Variants in RUNX1 observed in about 807,000 individuals in gnomAD.
RUNX1 encodes runt-related transcription factor 1.
In RUNX1, 19 loss-of-function variants were observed where a neutral mutation model predicts 42.8. The observed-to-expected ratio is 0.44, with a 90% CI of 0.31 to 0.65. The LOEUF (loss-of-function observed/expected upper bound fraction) is 0.65. Ranked by LOEUF, RUNX1 falls within the 30% of genes least tolerant of loss-of-function variation. The probability of loss-of-function intolerance (pLI) is 0.07; values close to 1 mark genes in which losing one functional copy is unlikely to be tolerated. For synonymous variants in RUNX1, 271 were observed against 289.4 expected (o/e 0.94, Z 0.64); for missense variants, 528 against 672.0 (o/e 0.79, Z 2.37).
At chr21:34,934,052 A>G (rs2058467352) in intron 2 of RUNX1, among the ~76,000 whole-genome samples, 1 of 152,150 alleles carries the variant, frequency 6.6e-6, no homozygotes, top group Admixed American at 6.5e-5. Flanking sequence ...GATAGGGAGA[A>G]TCCAGCAGAT....
chr21:34,851,064 G>T (rs2057411205), intron 6 of RUNX1, among the ~76,000 whole-genome samples: 1 of 152,168 alleles, frequency 6.6e-6, no homozygotes, highest in Non-Finnish European at 1.5e-5. Flanking sequence ...GCTCCCCCAG[G>T]AATCGGCTCT....
chr21:34,796,005 G>A (rs1210514541), intron 8 of RUNX1, among the ~76,000 whole-genome samples: 3 of 152,202 alleles, frequency 2.0e-5, no homozygotes, highest in African/African-American at 7.2e-5. Flanking sequence ...AGGTCACCCT[G>A]TTTTACAGCA....
chr21:34,892,924 C>T lies in RUNX1; in HGVS notation c.97+1G>A, dbSNP rs375131372. On this transcript the variant is annotated splice_donor_variant, in intron 3 of 8. Coordinates refer to ENST00000675419, the MANE Select transcript of RUNX1 (RefSeq NM_001754.5). LOFTEE classifies it high-confidence loss of function. ...AAAATATAACTTGGAATTTAACATA[C>T]CGTGGACGTCTCTAGAAGGATTCAT... 4.5e-6 allele frequency: 7 copies of T among 1,549,254 alleles called. No homozygotes were observed. Among genetic ancestry groups the T allele is most frequent in the Non-Finnish European group, 6.2e-6 (7 of 1,122,236 alleles).
intron 2 of RUNX1, among the ~76,000 whole-genome samples, chr21:34,995,033 G>T (rs2058982817): frequency 6.6e-6 from 1 of 152,222 alleles, no homozygotes; most frequent in Non-Finnish European, 1.5e-5. Flanking sequence ...GCCCCGCATG[G>T]ACACCCGTGG....
chr21:35,046,376 G>A (rs925434010), intron 2 of RUNX1, among the ~76,000 whole-genome samples: 3 of 152,226 alleles, frequency 2.0e-5, no homozygotes, highest in Non-Finnish European at 2.9e-5. Flanking sequence ...CCTTCTGTGA[G>A]AATTGCATGG....
chr21:34,886,177 G>A (rs1258624902), intron 4 of RUNX1, among the ~76,000 whole-genome samples: 2 of 152,226 alleles, frequency 1.3e-5, no homozygotes, highest in Admixed American at 1.3e-4. Context: ...TAGGTGAGCT[G>A]ATGATAGCAT....
At chr21:35,010,718 T>A (rs576381199) in intron 2 of RUNX1, among the ~76,000 whole-genome samples, 2 of 152,026 alleles carry the variant, frequency 1.3e-5, no homozygotes, top group South Asian at 4.1e-4. Context: ...AATGTGCAAC[T>A]CGCTGCCAGC....
At chr21:34,857,904 A>C (rs2057517684) in intron 6 of RUNX1, among the ~76,000 whole-genome samples, 1 of 152,168 alleles carries the variant, frequency 6.6e-6, no homozygotes, top group African/African-American at 2.4e-5. Context: ...TTTCACTCAT[A>C]AAGAAGAATC....
intron 5 of RUNX1, among the ~76,000 whole-genome samples, chr21:34,877,944 T>C (rs1239595952): frequency 6.6e-6 from 1 of 152,156 alleles, no homozygotes; most frequent in African/African-American, 2.4e-5. Flanking sequence ...CACTGAAAGT[T>C]TGGATGAGCC....
intron 2 of RUNX1, among the ~76,000 whole-genome samples, chr21:35,003,328 A>T (rs900539760): frequency 2.6e-5 from 4 of 152,206 alleles, no homozygotes; most frequent in Non-Finnish European, 5.9e-5. Flanking sequence ...GGGAGCAAGT[A>T]GACAGCTGGT....
At chr21:34,800,587 G>A (rs2056594288) in intron 7 of RUNX1, among the ~76,000 whole-genome samples, 1 of 152,152 alleles carries the variant, frequency 6.6e-6, no homozygotes, top group African/African-American at 2.4e-5. Context: ...AAAGAAATGA[G>A]CTATTTCTGC....
intron 2 of RUNX1, among the ~76,000 whole-genome samples, chr21:34,994,412 T>C (rs769428101): frequency 3.9e-5 from 6 of 152,116 alleles, no homozygotes; most frequent in African/African-American, 4.8e-5. Flanking sequence ...AAAAGTATAA[T>C]TGGATTGTTT....
chr21:34,986,881 CACAGGAAACTA>C (rs1221462806), intron 2 of RUNX1, among the ~76,000 whole-genome samples: 1 of 152,118 alleles, frequency 6.6e-6, no homozygotes, highest in Non-Finnish European at 1.5e-5. Context: ...TTATGGCAGC[CACAGGAAACTA>C]ACACAGTCCC....
At chr21:34,940,644 A>T (rs1569115620) in intron 2 of RUNX1, among the ~76,000 whole-genome samples, 1 of 152,206 alleles carries the variant, frequency 6.6e-6, no homozygotes, top group Non-Finnish European at 1.5e-5. Flanking sequence ...AGCTACATTG[A>T]GTTTTATTCT....
chr21:34,948,057 C>T (rs1376597129), intron 2 of RUNX1, among the ~76,000 whole-genome samples: 1 of 151,812 alleles, frequency 6.6e-6, no homozygotes, highest in East Asian at 1.9e-4. Context: ...ATCATCCCCA[C>T]TCCCACCCCG....
intron 2 of RUNX1, among the ~76,000 whole-genome samples, chr21:34,900,635 G>A (rs1017100398): frequency 6.6e-6 from 1 of 152,302 alleles, no homozygotes; most frequent in Non-Finnish European, 1.5e-5. Flanking sequence ...TTACAGCCAT[G>A]GATAGCCACA....
In RUNX1 at chr21:34,950,401, A is replaced by C. The variant is rs118097216; in HGVS notation, c.59-57438T>G. Among the ~76,000 whole-genome samples the C allele has an allele frequency of 6.7e-3, 1,013 of 152,304 alleles. 9 individuals are homozygous for C. Among genetic ancestry groups the C allele is most frequent in the South Asian group, 0.033 (159 of 4,830 alleles). On this transcript the variant is annotated intron_variant, in intron 2 of 8. Transcript: ENST00000675419. Reference sequence around the variant, plus strand: ...GTATAATGAACAAAAAGAGCCTATAAGCAAAAAGATTCAAGCTCTTAACAA... The same window carrying C: ...GTATAATGAACAAAAAGAGCCTATACGCAAAAAGATTCAAGCTCTTAACAA...
intron 2 of RUNX1, chr21:35,038,659 G>T (rs1478204804): frequency 6.6e-6 from 3 of 455,210 alleles, no homozygotes; most frequent in South Asian, 4.7e-5. Flanking sequence ...GATAGAGAGA[G>T]AGAGAGAGAG....
At chr21:34,821,684 G>T (rs755322133) in intron 7 of RUNX1, 10 of 1,575,544 alleles carry the variant, frequency 6.3e-6, no homozygotes, top group African/African-American at 1.3e-5. Context: ...TCTCCAGGGT[G>T]CTGTGTCTTC....
Sources: gnomAD v4.1 joint callset for allele counts (sites outside exome capture counted in the v4.1 genomes callset) on GRCh38, gnomAD v4.1.1 for gene constraint, MANE v1.5 for transcripts, NCBI Gene and HGNC (gene_info 2026-07-23, HGNC 2026-07-21) for gene names.